CERS5: variants seen among roughly 807,000 people sequenced by gnomAD.
CERS5 encodes the protein ceramide synthase 5.
In CERS5, 37 loss-of-function variants were observed where a neutral mutation model predicts 58.9. That is an observed-to-expected ratio of 0.63 (90% CI 0.48 to 0.83). CERS5 has a LOEUF of 0.83. CERS5 is among the 40% of genes least tolerant of loss of function. The pLI is 0.00. For synonymous variants in CERS5, 147 were observed against 177.8 expected, an observed-to-expected ratio of 0.83 and a Z score of 1.38; for missense variants, 398 against 489.3, an observed-to-expected ratio of 0.81 and a Z score of 1.76.
At chr12:50,136,858 C>T (rs1181584508) in intron 6 of CERS5, among the ~76,000 whole-genome samples, 1 of 152,172 alleles carries the variant, frequency 6.6e-6, no homozygotes, top group Non-Finnish European at 1.5e-5. Context: ...CTATTAAATA[C>T]TTCTCAGTTT....
chr12:50,137,031 A>G (rs1342860404), intron 6 of CERS5, among the ~76,000 whole-genome samples: 2 of 152,198 alleles, frequency 1.3e-5, no homozygotes, highest in Admixed American at 6.5e-5. Flanking sequence ...AACCTGGGTA[A>G]GTTTTAATTC....
chr12:50,143,397 A>G lies in CERS5; in HGVS notation c.304-193T>C, dbSNP rs1446304941. The G allele has an allele frequency of 1.3e-5, 7 of 527,594 alleles. No individual in the cohort carries two copies. The African/African-American group carries it at 1.5e-4, about 11-fold the overall frequency. 32.7% of individuals were successfully genotyped at this position (527,594 alleles called of 1,614,324 possible). A position where few individuals can be genotyped will look rare whatever the true frequency, so the allele number is the denominator to read the frequency against. On this transcript the variant is annotated intron_variant, in intron 2 of 9. Transcript: ENST00000317551. ...TCAAGGACCTGTACTGCTCACCTAT[A>G]CATATCCTTTTGTCTCTTCCTCCAG...
At chr12:50,151,912 T>G (rs974709293) in intron 1 of CERS5, among the ~76,000 whole-genome samples, 1 of 152,318 alleles carries the variant, frequency 6.6e-6, no homozygotes, top group African/African-American at 2.4e-5. Flanking sequence ...TCCCAAAGTG[T>G]TGGGATTACA....
At chr12:50,161,795 A>AAAAAAAAAAAAAAAAAAAAAC (rs1939305887) in intron 1 of CERS5, among the ~76,000 whole-genome samples, 2 of 149,762 alleles carry the variant, frequency 1.3e-5, no homozygotes, top group African/African-American at 2.4e-5. Flanking sequence ...AAAAAAAAAA[A>AAAAAAAAAAAAAAAAAAAAAC]AAAAAGCAAA....
chr12:50,162,184 CTTTTTT>C (rs75460499), intron 1 of CERS5, among the ~76,000 whole-genome samples: 1 of 129,368 alleles, frequency 7.7e-6, no homozygotes, highest in African/African-American at 2.9e-5. Flanking sequence ...CTGATTTGTT[CTTTTTT>C]TTTTTTTTTT....
Position 50,142,577 on chromosome 12 carries a change from C to T in CERS5, c.435-467G>A, listed in dbSNP as rs576784448. Among the ~76,000 whole-genome samples, 17 of 148,554 alleles carry T rather than the reference C, an allele frequency of 1.1e-4. No individual in the cohort carries two copies. The East Asian group carries it at 2.3e-3, about 20-fold the overall frequency. On this transcript the variant is annotated intron_variant, in intron 3 of 9. Coordinates refer to ENST00000317551, the MANE Select transcript of CERS5 (RefSeq NM_147190.5). ...AAAAAAAAAAAAAAAGCCAAAGCAG[C>T]GTCATCTTTCATTAGGAAAATATTA...
At position 50,135,716 on chromosome 12, in the gene CERS5, C is replaced by T. The variant is rs1951656276; in HGVS notation, c.872+16G>A. On this transcript the variant is annotated intron_variant, in intron 8 of 9. Coordinates refer to ENST00000317551, the MANE Select transcript of CERS5 (RefSeq NM_147190.5). ...TAGGCTCATACCTACCACAACTCTA[C>T]AGCCCTACCACTTACCAGAATGGAT... is the stretch of plus-strand genomic sequence containing the variant. 3 of 1,557,484 alleles carry T rather than the reference C, an allele frequency of 1.9e-6. No individual in the cohort carries two copies. The highest frequency in any genetic ancestry group is 1.4e-5 in the African/African-American group (1 of 73,746).
intron 1 of CERS5, among the ~76,000 whole-genome samples, chr12:50,147,945 A>G (rs1592387088): frequency 6.6e-6 from 1 of 152,092 alleles, no homozygotes; most frequent in Non-Finnish European, 1.5e-5. Flanking sequence ...CAGCTAATTA[A>G]AAAATTTTTT....
chr12:50,144,858 G>A (rs570912898), intron 1 of CERS5: 178 of 1,339,000 alleles, frequency 1.3e-4, no homozygotes, highest in African/African-American at 9.0e-4. Context: ...TAAAAAAGCC[G>A]GGCGTGGTGG....
intron 9 of CERS5, chr12:50,133,033 G>C: frequency 1.6e-6 from 2 of 1,289,010 alleles, no homozygotes; most frequent in South Asian, 2.5e-5. Flanking sequence ...AGAGTGGAGA[G>C]TACAGGGTCT....
rs540982380 is a variant in CERS5 at position 50,143,480 on chromosome 12, T to C, written c.304-276A>G. On this transcript the variant is annotated intron_variant, in intron 2 of 9. Coordinates refer to ENST00000317551, the MANE Select transcript of CERS5 (RefSeq NM_147190.5). Reference sequence around the variant, plus strand: ...CAAATTGCAGGCCAGGCATGGTGGCTCATGCCTGTAATCCTGGGATTTTTG... The same window carrying C: ...CAAATTGCAGGCCAGGCATGGTGGCCCATGCCTGTAATCCTGGGATTTTTG... 2.1e-4 allele frequency: 70 copies of C among 334,858 alleles called. No individual in the cohort carries two copies. The Admixed American group carries it at 2.1e-3, about 10-fold the overall frequency. 20.7% of individuals were successfully genotyped at this position (334,858 alleles called of 1,614,324 possible).
At chr12:50,163,129 T>G (rs1358521316) in intron 1 of CERS5, among the ~76,000 whole-genome samples, 1 of 152,068 alleles carries the variant, frequency 6.6e-6, no homozygotes, top group African/African-American at 2.4e-5. Context: ...AAAGTCCTGG[T>G]CTCAAGCAAT....
chr12:50,154,268 G>A (rs1011994139), intron 1 of CERS5: 16 of 340,816 alleles, frequency 4.7e-5, no homozygotes, highest in East Asian at 1.2e-4. Context: ...CAGGAGAATC[G>A]CTTGAACCAG....
At chr12:50,162,008 G>A (rs1403217322) in intron 1 of CERS5, among the ~76,000 whole-genome samples, 3 of 149,820 alleles carry the variant, frequency 2.0e-5, no homozygotes, top group Admixed American at 6.7e-5. Flanking sequence ...CCAAGTAGCT[G>A]GGACTTAAGG....
rs570406715 is a variant in CERS5, at chr12:50,133,369, G to A, written c.1029+1177C>T. 3.8e-5 allele frequency: 40 copies of A among 1,051,228 alleles called. 1 individual carries two copies. In the South Asian group the frequency reaches 6.7e-4, roughly 18 times the overall value. The allele number at this position is 1,051,228 out of a possible 1,614,324, so 65.1% of individuals were successfully genotyped here. ...TATCATTAAGTGGCACCTTTCTTTC[G>A]CTCTTGGCATAAGATGGGTATTTGA... is the stretch of plus-strand genomic sequence containing the variant. On this transcript the variant is annotated intron_variant, in intron 9 of 9. Transcript: ENST00000317551.
chr12:50,159,088 G>A (rs369919334), intron 1 of CERS5, among the ~76,000 whole-genome samples: 21 of 152,250 alleles, frequency 1.4e-4, no homozygotes, highest in South Asian at 1.2e-3. Context: ...TTGAGAGGCC[G>A]AGGCGGGCGA....
In CERS5 at chr12:50,135,150, G is replaced by GA. The variant is rs1167339549; in HGVS notation, c.873-449_873-448insT. On this transcript the variant is annotated intron_variant, in intron 8 of 9. Transcript: ENST00000317551. Reference sequence around the variant, plus strand: ...AGGAGAGGGAGGGAGAGAGAGAGGAGGGAGGGAGAGAGAGGGGAGGGAGGG... The same window carrying GA: ...AGGAGAGGGAGGGAGAGAGAGAGGAGAGGAGGGAGAGAGAGGGGAGGGAGGG... Among the ~76,000 whole-genome samples the GA allele has an allele frequency of 1.3e-3, 94 of 70,842 alleles. 1 individual carries two copies. The highest frequency in any genetic ancestry group is 1.8e-3 in the African/African-American group (29 of 16,100). The allele number at this position is 70,842 out of a possible 152,430, so 46.5% of individuals were successfully genotyped here.
intron 6 of CERS5, among the ~76,000 whole-genome samples, chr12:50,136,909 T>C (rs1219260167): frequency 3.9e-5 from 6 of 152,218 alleles, no homozygotes; most frequent in Admixed American, 1.3e-4. Flanking sequence ...AACTTTCTTA[T>C]ATGTATCACA....
chr12:50,156,438 A>ATATATATATATAT (rs1555198356), intron 1 of CERS5, among the ~76,000 whole-genome samples: 36 of 123,260 alleles, frequency 2.9e-4, no homozygotes, highest in Non-Finnish European at 3.3e-4. Flanking sequence ...ATATATATAT[A>ATATATATATATAT]AAACAATTAG....
Sources: gnomAD v4.1 joint callset for allele counts (sites outside exome capture counted in the v4.1 genomes callset) on GRCh38, gnomAD v4.1.1 for gene constraint, MANE v1.5 for transcripts, NCBI Gene and HGNC (gene_info 2026-07-23, HGNC 2026-07-21) for gene names.